Variants in PDSS2 observed in about 807,000 individuals in gnomAD.
PDSS2 encodes all trans-polyprenyl-diphosphate synthase PDSS2.
PDSS2 carries 31 observed loss-of-function variants against 44.5 expected under a neutral mutation model. That is an observed-to-expected ratio of 0.70 (90% CI 0.52 to 0.94). PDSS2 has a LOEUF of 0.94. PDSS2 is among the 40% of genes least tolerant of loss of function. The probability of loss-of-function intolerance (pLI) is 0.00; values close to 1 mark genes in which losing one functional copy is unlikely to be tolerated. For missense variants in PDSS2, 452 were observed against 482.2 expected (o/e 0.94, Z 0.59); for synonymous variants, 157 against 180.3 (o/e 0.87, Z 1.03).
At chr6:107,304,459 C>T (rs1166848447) in intron 2 of PDSS2, among the ~76,000 whole-genome samples, 1 of 152,194 alleles carries the variant, frequency 6.6e-6, no homozygotes, top group Non-Finnish European at 1.5e-5. Context: ...TATAGAGACA[C>T]CACATAGCAT....
chr6:107,394,255 A>G (rs1779872425), intron 1 of PDSS2, among the ~76,000 whole-genome samples: 1 of 152,122 alleles, frequency 6.6e-6, no homozygotes, highest in Non-Finnish European at 1.5e-5. Context: ...CATTCCCTGC[A>G]TTGCTATGAA....
At chr6:107,198,669 A>G (rs1772649370) in intron 6 of PDSS2, among the ~76,000 whole-genome samples, 2 of 152,322 alleles carry the variant, frequency 1.3e-5, no homozygotes, top group South Asian at 2.1e-4. Flanking sequence ...TTTTAAAAAT[A>G]TACTGACCAG....
At chr6:107,170,341 G>T (rs1473686570) in intron 7 of PDSS2, among the ~76,000 whole-genome samples, 2 of 152,180 alleles carry the variant, frequency 1.3e-5, no homozygotes, top group African/African-American at 4.8e-5. Flanking sequence ...CAGGATTAGG[G>T]TGGGAGTGAC....
At chr6:107,427,530 A>G (rs182829074) in intron 1 of PDSS2, among the ~76,000 whole-genome samples, 192 of 152,368 alleles carry the variant, frequency 1.3e-3, no homozygotes, top group Non-Finnish European at 2.3e-3. Flanking sequence ...CTAAAAGGAC[A>G]TTTAAGTGCC....
chr6:107,155,232 G>A lies in PDSS2; in HGVS notation c.1042-455C>T, dbSNP rs551505955. 6.2e-4 allele frequency among the ~76,000 whole-genome samples: 92 copies of A among 148,928 alleles called. 3 individuals are homozygous for A. Among genetic ancestry groups the A allele is most frequent in the Non-Finnish European group, 1.2e-4 (8 of 67,706 alleles). On this transcript the variant is annotated intron_variant, in intron 7 of 7. Coordinates refer to ENST00000369037, the MANE Select transcript of PDSS2 (RefSeq NM_020381.4). ...GCGATCTCGGCTCACTGCAACCTCC[G>A]CCTCCTGGGTTTAAGCAATTCTCCT...
At chr6:107,278,161 A>C (rs1775850852) in intron 2 of PDSS2, among the ~76,000 whole-genome samples, 1 of 152,114 alleles carries the variant, frequency 6.6e-6, no homozygotes, top group African/African-American at 2.4e-5. Context: ...TAAAAAAATT[A>C]AGAGAATATG....
intron 1 of PDSS2, among the ~76,000 whole-genome samples, chr6:107,382,602 C>G (rs1296494347): frequency 6.6e-6 from 1 of 152,126 alleles, no homozygotes; most frequent in Non-Finnish European, 1.5e-5. Flanking sequence ...TTTGGAAGAC[C>G]AAGAACGGGA....
chr6:107,359,938 C>T (rs567253827), intron 1 of PDSS2, among the ~76,000 whole-genome samples: 1 of 152,282 alleles, frequency 6.6e-6, no homozygotes, highest in South Asian at 2.1e-4. Context: ...CAAAATATAA[C>T]ATGTCATTTT....
intron 1 of PDSS2, among the ~76,000 whole-genome samples, chr6:107,337,146 T>C (rs2115265212): frequency 1.3e-5 from 2 of 152,082 alleles, no homozygotes; most frequent in Middle Eastern, 6.8e-3. Flanking sequence ...TGTCAGAAAC[T>C]GTTCTACATG....
chr6:107,275,570 C>T (rs11967511), intron 2 of PDSS2, among the ~76,000 whole-genome samples: 26,090 of 151,840 alleles, frequency 0.17, 2,432 homozygotes, highest in South Asian at 0.2. Flanking sequence ...CAGTCACAGG[C>T]GTTGCATGAC....
chr6:107,354,795 T>C (rs1166803502), intron 1 of PDSS2, among the ~76,000 whole-genome samples: 1 of 152,266 alleles, frequency 6.6e-6, no homozygotes, highest in African/African-American at 2.4e-5. Flanking sequence ...TATTTATGAT[T>C]TTAAATTATA....
intron 7 of PDSS2, among the ~76,000 whole-genome samples, chr6:107,173,236 A>G (rs933278232): frequency 1.3e-4 from 20 of 151,956 alleles, no homozygotes; most frequent in African/African-American, 3.4e-4. Context: ...TTGAACATGT[A>G]AAATAATTAT....
At chr6:107,271,306 G>A (rs1301780528) in intron 3 of PDSS2, among the ~76,000 whole-genome samples, 1 of 152,120 alleles carries the variant, frequency 6.6e-6, no homozygotes, top group Non-Finnish European at 1.5e-5. Flanking sequence ...AGTTTTTTCA[G>A]TTTACTGCTG....
intron 7 of PDSS2, among the ~76,000 whole-genome samples, chr6:107,178,475 T>G (rs1771868560): frequency 6.6e-6 from 1 of 152,204 alleles, no homozygotes; most frequent in Non-Finnish European, 1.5e-5. Flanking sequence ...ATGGTTATTA[T>G]CTATAAAACT....
intron 7 of PDSS2, among the ~76,000 whole-genome samples, chr6:107,184,562 G>A (rs1459800537): frequency 6.6e-6 from 1 of 152,194 alleles, no homozygotes; most frequent in African/African-American, 2.4e-5. Context: ...CTGTTTGCTG[G>A]TGGGAAGAGA....
intron 2 of PDSS2, among the ~76,000 whole-genome samples, chr6:107,298,374 A>T (rs1307168390): frequency 6.6e-6 from 1 of 152,178 alleles, no homozygotes; most frequent in Non-Finnish European, 1.5e-5. Context: ...CTATTTACAT[A>T]GCATCTACAT....
chr6:107,275,165 C>T (rs1287602472), intron 2 of PDSS2, among the ~76,000 whole-genome samples: 2 of 152,106 alleles, frequency 1.3e-5, no homozygotes, highest in Non-Finnish European at 2.9e-5. Flanking sequence ...GGAATTTCAG[C>T]AGATGTTTGT....
At chr6:107,301,161 C>T (rs1776681745) in intron 2 of PDSS2, among the ~76,000 whole-genome samples, 1 of 152,092 alleles carries the variant, frequency 6.6e-6, no homozygotes, top group South Asian at 2.1e-4. Context: ...AATTGTGATT[C>T]GCGGACTTTT....
At chr6:107,451,443 C>T (rs1268155144) in intron 1 of PDSS2, among the ~76,000 whole-genome samples, 3 of 152,026 alleles carry the variant, frequency 2.0e-5, no homozygotes, top group African/African-American at 7.2e-5. Flanking sequence ...GCTACACTGC[C>T]GCACCACAAA....
Sources: allele counts gnomAD v4.1 joint callset (sites outside exome capture counted in the v4.1 genomes callset), GRCh38; gene constraint gnomAD v4.1.1; transcripts MANE v1.5; gene names NCBI Gene and HGNC (gene_info 2026-07-23, HGNC 2026-07-21).